The following SCD5 variants were observed in gnomAD, a reference collection of about 807,000 sequenced individuals.
SCD5 encodes stearoyl-CoA desaturase 5, also known as acyl-CoA-desaturase 4.
In SCD5, 20 loss-of-function variants were observed where a neutral mutation model predicts 30.4. That is an observed-to-expected ratio of 0.66 (90% CI 0.46 to 0.96). The LOEUF (loss-of-function observed/expected upper bound fraction) is 0.96. SCD5 is among the 40% of genes least tolerant of loss of function. The probability of loss-of-function intolerance (pLI) is 0.00; values close to 1 mark genes in which losing one functional copy is unlikely to be tolerated. For synonymous variants in SCD5, 173 were observed against 176.4 expected (o/e 0.98, Z 0.16); for missense variants, 381 against 443.3 (o/e 0.86, Z 1.26).
At chr4:82,725,741 T>A (rs1720455100) in intron 1 of SCD5, among the ~76,000 whole-genome samples, 1 of 151,994 alleles carries the variant, frequency 6.6e-6, no homozygotes, top group Non-Finnish European at 1.5e-5. Flanking sequence ...GTGCCTGTAG[T>A]CCCAGCTACC....
intron 4 of SCD5, among the ~76,000 whole-genome samples, chr4:82,632,281 C>T (rs935600822): frequency 4.3e-4 from 64 of 149,172 alleles, no homozygotes; most frequent in Non-Finnish European, 7.0e-4. Flanking sequence ...TGAGAACATG[C>T]GGTGTTTGGT....
intron 1 of SCD5, among the ~76,000 whole-genome samples, chr4:82,768,528 A>G (rs1721541654): frequency 6.6e-6 from 1 of 152,204 alleles, no homozygotes; most frequent in African/African-American, 2.4e-5. Context: ...AAAGTTGATG[A>G]TCTTGGTATT....
intron 1 of SCD5, among the ~76,000 whole-genome samples, chr4:82,749,473 C>T (rs141080564): frequency 6.6e-6 from 1 of 152,174 alleles, no homozygotes; most frequent in Non-Finnish European, 1.5e-5. Flanking sequence ...AATGAATATA[C>T]CAATTTGGGA....
chr4:82,637,280 C>T (rs1374964591), intron 3 of SCD5, among the ~76,000 whole-genome samples: 2 of 152,242 alleles, frequency 1.3e-5, no homozygotes, highest in Non-Finnish European at 2.9e-5. Flanking sequence ...TCTGTACTAA[C>T]TCACCTTGGT....
At chr4:82,657,862 T>C (rs114858467) in intron 3 of SCD5, among the ~76,000 whole-genome samples, 5,388 of 152,334 alleles carry the variant, frequency 0.035, 124 homozygotes, top group Middle Eastern at 0.092. Context: ...TTTGTAGCAA[T>C]TGCAAATGGG....
chr4:82,699,751 T>A (rs1268447002), intron 2 of SCD5, among the ~76,000 whole-genome samples: 4 of 151,116 alleles, frequency 2.6e-5, no homozygotes, highest in African/African-American at 4.9e-5. Flanking sequence ...AACCTCCACG[T>A]CCCAGGTTCA....
Position 82,746,946 on chromosome 4 carries a change from A to G in SCD5, c.233-41533T>C, listed in dbSNP as rs558143693. ...AACCCGAGACCTTAAGTGGACGCAG[A>G]CACAAGGGCGTCAGGGGGAGAGGAG... On this transcript the variant is annotated intron_variant, in intron 1 of 4. Transcript: ENST00000319540. 3.6e-5 allele frequency among the ~76,000 whole-genome samples: 3 copies of G among 83,570 alleles called. No individual in the cohort carries two copies. In the East Asian group the frequency reaches 9.0e-4, roughly 25 times the overall value. The allele number at this position is 83,570 out of a possible 152,430, so 54.8% of individuals were successfully genotyped here.
chr4:82,743,453 C>T (rs1047507023), intron 1 of SCD5, among the ~76,000 whole-genome samples: 1 of 152,090 alleles, frequency 6.6e-6, no homozygotes, highest in African/African-American at 2.4e-5. Flanking sequence ...GAGGTCAAGG[C>T]TGCAGTGAAC....
intron 2 of SCD5, among the ~76,000 whole-genome samples, chr4:82,700,049 T>A (rs188744611): frequency 6.5e-4 from 98 of 151,850 alleles, no homozygotes; most frequent in African/African-American, 2.3e-3. Context: ...AAACCTTATC[T>A]TTACTAAAAA....
At chr4:82,672,719 TACTC>T (rs1234623369) in intron 3 of SCD5, among the ~76,000 whole-genome samples, 1 of 152,094 alleles carries the variant, frequency 6.6e-6, no homozygotes, top group African/African-American at 2.4e-5. Context: ...ATCACCATAA[TACTC>T]AAACAAGACA....
chr4:82,701,959 C>A (rs573018709), intron 2 of SCD5, among the ~76,000 whole-genome samples: 1 of 151,946 alleles, frequency 6.6e-6, no homozygotes, highest in East Asian at 1.9e-4. Context: ...TGACTTGGAG[C>A]AAATTATAAG....
intron 3 of SCD5, among the ~76,000 whole-genome samples, chr4:82,645,288 T>G: frequency 7.1e-6 from 1 of 140,886 alleles, no homozygotes; most frequent in African/African-American, 2.7e-5. Flanking sequence ...CACTCCAGCC[T>G]GGGTGACAGA....
chr4:82,798,594 C>G lies in SCD5; in HGVS notation c.-57G>C, dbSNP rs905285909. 63 of 1,464,944 alleles carry G rather than the reference C, an allele frequency of 4.3e-5. No individual in the cohort carries two copies. In the African/African-American group the frequency reaches 8.2e-4, roughly 19 times the overall value. 90.7% of individuals were successfully genotyped at this position (1,464,944 alleles called of 1,614,324 possible). The stretch of plus-strand genomic sequence containing the variant: ...CAGGCAGGCAGGCGCTCTGCCCGAG[C>G]GGAGCTCGAGGGTGGGGGCGGGGGC... On this transcript the variant is annotated 5_prime_UTR_variant, in exon 1 of 5. Coordinates refer to ENST00000319540, the MANE Select transcript of SCD5 (RefSeq NM_001037582.3).
At chr4:82,692,799 G>A (rs1719587600) in intron 2 of SCD5, among the ~76,000 whole-genome samples, 1 of 152,196 alleles carries the variant, frequency 6.6e-6, no homozygotes, top group Non-Finnish European at 1.5e-5. Flanking sequence ...ACTCCAGTCC[G>A]CTGAGGAACA....
At chr4:82,721,399 A>G (rs546817844) in intron 1 of SCD5, among the ~76,000 whole-genome samples, 3 of 152,328 alleles carry the variant, frequency 2.0e-5, no homozygotes, top group South Asian at 2.1e-4. Context: ...AAAGACCCCA[A>G]TAAATAACAG....
At chr4:82,776,836 A>AT (rs1339399339) in intron 1 of SCD5, among the ~76,000 whole-genome samples, 2 of 152,242 alleles carry the variant, frequency 1.3e-5, no homozygotes, top group Non-Finnish European at 2.9e-5. Context: ...AGAGATACAT[A>AT]TTTATGTTAA....
intron 1 of SCD5, among the ~76,000 whole-genome samples, chr4:82,741,699 T>C (rs1019861069): frequency 2.6e-5 from 4 of 152,176 alleles, no homozygotes; most frequent in Admixed American, 2.0e-4. Flanking sequence ...GCCTCCATTT[T>C]AATTGAGGCA....
At chr4:82,732,148 TG>T (rs1720657640) in intron 1 of SCD5, among the ~76,000 whole-genome samples, 1 of 152,152 alleles carries the variant, frequency 6.6e-6, no homozygotes, top group Non-Finnish European at 1.5e-5. Context: ...TCACCCAGGC[TG>T]GAGTGCAGTG....
intron 1 of SCD5, among the ~76,000 whole-genome samples, chr4:82,747,831 G>T (rs1340658098): frequency 6.6e-6 from 1 of 152,168 alleles, no homozygotes; most frequent in Non-Finnish European, 1.5e-5. Context: ...AGAACCATAG[G>T]GGGCAAAAGC....
Sources: allele counts gnomAD v4.1 joint callset (sites outside exome capture counted in the v4.1 genomes callset), GRCh38; gene constraint gnomAD v4.1.1; transcripts MANE v1.5; gene names NCBI Gene and HGNC (gene_info 2026-07-23, HGNC 2026-07-21).